Variants in CADPS observed in about 807,000 individuals in gnomAD.
The protein encoded by CADPS is calcium dependent secretion activator, also known as calcium-dependent secretion activator 1.
CADPS carries 57 observed loss-of-function variants against 167.3 expected under a neutral mutation model. The observed-to-expected ratio is 0.34, with a 90% confidence interval of 0.28 to 0.42. CADPS has a LOEUF of 0.42. Among genes scored for constraint, CADPS ranks in the 20% least tolerant of loss-of-function variants. The probability of loss-of-function intolerance (pLI) is 1.00; values close to 1 mark genes in which losing one functional copy is unlikely to be tolerated. For synonymous variants in CADPS, 676 were observed against 635.3 expected (o/e 1.06, Z -0.96); for missense variants, 1,414 against 1,738.1 (o/e 0.81, Z 3.32).
At position 62,874,445 on chromosome 3, in the gene CADPS, A is replaced by G. The variant is rs989284334; in HGVS notation, c.441+144T>C. The G allele has an allele frequency of 3.2e-6, 2 of 631,774 alleles. No homozygotes were observed. The highest frequency in any genetic ancestry group is 6.0e-5 in the Admixed American group (2 of 33,254). 39.1% of individuals were successfully genotyped at this position (631,774 alleles called of 1,614,324 possible). A position where few individuals can be genotyped will look rare whatever the true frequency, so the allele number is the denominator to read the frequency against. On this transcript the variant is annotated intron_variant, in intron 1 of 29. Transcript: ENST00000383710. The surrounding 1 kb of genome is among the most constrained non-coding windows in gnomAD (Gnocchi z 7.1). ...GGCCTGGGCGAGCCCGGCCGCTGGG[A>G]GGGGGCCTCGTAGCCCTTTCCCCAG...
At chr3:62,436,882 G>C (rs909027719) in intron 28 of CADPS, among the ~76,000 whole-genome samples, 3 of 151,946 alleles carry the variant, frequency 2.0e-5, no homozygotes, top group Non-Finnish European at 4.4e-5. Flanking sequence ...AAAAAGAAAG[G>C]AGCCTTTCTA....
At chr3:62,636,056 C>T in intron 6 of CADPS, among the ~76,000 whole-genome samples, 1 of 152,132 alleles carries the variant, frequency 6.6e-6, no homozygotes, top group Non-Finnish European at 1.5e-5. Context: ...GTGCTGTTTT[C>T]CTTTTTTACC....
At chr3:62,505,317 C>T (rs1255849078) in intron 17 of CADPS, among the ~76,000 whole-genome samples, 3 of 152,190 alleles carry the variant, frequency 2.0e-5, no homozygotes, top group African/African-American at 4.8e-5. Context: ...TGTGTTAATA[C>T]AGGCTGTTGG....
At chr3:62,676,927 G>A (rs2203120) in intron 3 of CADPS, among the ~76,000 whole-genome samples, 2,833 of 152,226 alleles carry the variant, frequency 0.019, 87 homozygotes, top group African/African-American at 0.064. Context: ...AAGGATGGAA[G>A]GGATCTTATG....
At chr3:62,828,060 T>G (rs1375414265) in intron 1 of CADPS, among the ~76,000 whole-genome samples, 1 of 152,182 alleles carries the variant, frequency 6.6e-6, no homozygotes, top group Non-Finnish European at 1.5e-5. Context: ...TGTGTGGGAC[T>G]GTCCTATGCC....
intron 3 of CADPS, among the ~76,000 whole-genome samples, chr3:62,674,724 T>C (rs1044590309): frequency 2.0e-5 from 3 of 152,212 alleles, no homozygotes; most frequent in Non-Finnish European, 2.9e-5. Flanking sequence ...GCTTATAATA[T>C]ACTGCATTGT....
chr3:62,582,791 A>G (rs964262875), intron 8 of CADPS, among the ~76,000 whole-genome samples: 1 of 152,218 alleles, frequency 6.6e-6, no homozygotes, highest in Non-Finnish European at 1.5e-5. Context: ...GAAGTGAGCT[A>G]CATATTTCTT....
chr3:62,858,009 A>G (rs1300006850), intron 1 of CADPS, among the ~76,000 whole-genome samples: 2 of 152,210 alleles, frequency 1.3e-5, no homozygotes, highest in African/African-American at 4.8e-5. Context: ...TTGTCTAAAC[A>G]TATTCAAAAT....
intron 9 of CADPS, among the ~76,000 whole-genome samples, chr3:62,558,066 A>G (rs1481174350): frequency 3.3e-5 from 5 of 152,222 alleles, no homozygotes; most frequent in African/African-American, 4.8e-5. Context: ...GATCAGCATC[A>G]AACTACATGT....
intron 6 of CADPS, among the ~76,000 whole-genome samples, chr3:62,641,413 T>A (rs993082085): frequency 1.3e-5 from 2 of 152,194 alleles, no homozygotes; most frequent in African/African-American, 4.8e-5. Flanking sequence ...TAATCTCTGT[T>A]CTTAGTAAAG....
intron 2 of CADPS, among the ~76,000 whole-genome samples, chr3:62,754,674 G>C (rs1228896996): frequency 6.6e-6 from 1 of 152,114 alleles, no homozygotes. Context: ...ACTTTTTGTA[G>C]AGACAGGGTC....
intron 27 of CADPS, among the ~76,000 whole-genome samples, chr3:62,443,616 A>C (rs1217700675): frequency 1.3e-5 from 2 of 152,054 alleles, no homozygotes; most frequent in South Asian, 2.1e-4. Flanking sequence ...TTCTCAGGAG[A>C]TGTCATGGTT....
At chr3:62,459,945 T>C (rs1300505714) in intron 26 of CADPS, among the ~76,000 whole-genome samples, 1 of 152,144 alleles carries the variant, frequency 6.6e-6, no homozygotes, top group East Asian at 1.9e-4. Context: ...TAAATTATTT[T>C]TGCTGGTAAT....
At chr3:62,682,876 A>G (rs560351820) in intron 3 of CADPS, among the ~76,000 whole-genome samples, 1 of 152,256 alleles carries the variant, frequency 6.6e-6, no homozygotes, top group Admixed American at 6.5e-5. Flanking sequence ...ACTTACCAAG[A>G]GATAACTGCT....
chr3:62,866,553 C>T (rs1214004666), intron 1 of CADPS, among the ~76,000 whole-genome samples: 1 of 151,824 alleles, frequency 6.6e-6, no homozygotes, highest in Non-Finnish European at 1.5e-5. Flanking sequence ...AATACTTAGC[C>T]CACTACAAAG....
chr3:62,472,048 T>C (rs1017455378), intron 24 of CADPS, among the ~76,000 whole-genome samples: 1 of 151,658 alleles, frequency 6.6e-6, no homozygotes, highest in African/African-American at 2.4e-5. Context: ...CAATACATGC[T>C]ACAGCATGGA....
chr3:62,659,086 C>G (rs1336144770), intron 4 of CADPS, among the ~76,000 whole-genome samples: 1 of 152,110 alleles, frequency 6.6e-6, no homozygotes, highest in Admixed American at 6.6e-5. Flanking sequence ...AAGTGCTCTA[C>G]CCATCTTTTA....
intron 3 of CADPS, among the ~76,000 whole-genome samples, chr3:62,698,847 C>T (rs1229280243): frequency 6.8e-6 from 1 of 147,092 alleles, no homozygotes; most frequent in African/African-American, 2.5e-5. Context: ...TCAAGCAATC[C>T]TCCTGCCTCA....
At position 62,474,153 on chromosome 3, in the gene CADPS, A is replaced by ATT. The variant is rs61586697; in HGVS notation, c.3477+18_3477+19dup. ...AATGAAGAGGGAAAAAAAAATCTGT[A>ATT]TTTTTTTTTTTTTTTTTACCTCTTG... On this transcript the variant is annotated intron_variant, in intron 24 of 29. Coordinates refer to ENST00000383710, the MANE Select transcript of CADPS (RefSeq NM_003716.4). 0.013 allele frequency: 9,939 copies of ATT among 737,376 alleles called. 128 individuals carry two copies. Among genetic ancestry groups the ATT allele is most frequent in the African/African-American group, 0.035 (1,128 of 31,810 alleles). 45.7% of individuals were successfully genotyped at this position (737,376 alleles called of 1,614,324 possible). A position where few individuals can be genotyped will look rare whatever the true frequency, so the allele number is the denominator to read the frequency against.
Sources: allele counts gnomAD v4.1 joint callset (sites outside exome capture counted in the v4.1 genomes callset), GRCh38; gene constraint gnomAD v4.1.1; non-coding constraint Gnocchi (gnomAD v3.1); transcripts MANE v1.5; gene names NCBI Gene and HGNC (gene_info 2026-07-23, HGNC 2026-07-21).